Variants in CERKL observed in about 807,000 individuals in gnomAD.
CERKL encodes ceramide kinase-like protein.
In CERKL, 61 loss-of-function variants were observed where a neutral mutation model predicts 63.4. The observed-to-expected ratio is 0.96, with a 90% confidence interval of 0.78 to 1.19. The LOEUF is 1.19. CERKL is among the 50% of genes most tolerant of loss of function. The pLI is 0.00. For synonymous variants in CERKL, 250 were observed against 230.5 expected, an observed-to-expected ratio of 1.08 and a Z score of -0.77; for missense variants, 675 against 655.5, an observed-to-expected ratio of 1.03 and a Z score of -0.33.
chr2:181,563,769 T>C (rs937949773), intron 4 of CERKL, among the ~76,000 whole-genome samples: 1 of 151,940 alleles, frequency 6.6e-6, no homozygotes, highest in East Asian at 1.9e-4. Context: ...GAAGAAACTA[T>C]GTTTCTATTA....
chr2:181,568,611 A>T (rs1437969774), intron 3 of CERKL, among the ~76,000 whole-genome samples: 1 of 152,038 alleles, frequency 6.6e-6, no homozygotes, highest in African/African-American at 2.4e-5. Flanking sequence ...ACGCTTCAAC[A>T]TCTAAAAATT....
At chr2:181,607,643 T>C (rs192308868) in intron 1 of CERKL, among the ~76,000 whole-genome samples, 86 of 152,354 alleles carry the variant, frequency 5.6e-4, no homozygotes, top group African/African-American at 2.0e-3. Context: ...ACCAGTCATT[T>C]GCACCTGTTG....
chr2:181,547,702 A>G lies in CERKL; in HGVS notation c.1184T>C (p.Ile395Thr). Residue 395 changes from isoleucine (I) to threonine (T), a missense_variant, in exon 10 of 13, where the codon ATC becomes ACC. Physicochemically the swap from Ile to Thr is moderately conservative, Grantham distance 89. Transcript: ENST00000410087. ...GCTGACATTCAAGAACTGACCCTGGATCATTTGCCATTGATCATTACAGTC... is the reference window on the plus strand; with the variant it reads ...GCTGACATTCAAGAACTGACCCTGGGTCATTTGCCATTGATCATTACAGTC... ...KSDCNDQWQM[I>T]QGQFLNVSIM... 6.2e-7 allele frequency: 1 copy of G among 1,614,078 alleles called. No individual in the cohort carries two copies. The highest frequency in any genetic ancestry group is 8.5e-7 in the Non-Finnish European group (1 of 1,179,952).
At chr2:181,544,123 A>C (rs1687626952) in intron 11 of CERKL, among the ~76,000 whole-genome samples, 1 of 152,228 alleles carries the variant, frequency 6.6e-6, no homozygotes, top group African/African-American at 2.4e-5. Flanking sequence ...AGGTCAAAAC[A>C]GCTGCCAAAA....
chr2:181,551,505 C>T lies in CERKL; in HGVS notation c.821-1797G>A, dbSNP rs140849112. Among the ~76,000 whole-genome samples the T allele has an allele frequency of 9.9e-3, 1,499 of 151,672 alleles. 25 individuals carry two copies. The highest frequency in any genetic ancestry group is 0.033 in the African/African-American group (1,385 of 41,412). ...TCCATCAAAAAGTGGGCAAAGGATA[C>T]GAACAGACACTTCTCAAAAGAAGAC... On this transcript the variant is annotated intron_variant, in intron 5 of 12. Transcript: ENST00000410087.
intron 1 of CERKL, among the ~76,000 whole-genome samples, chr2:181,654,390 T>C (rs1371944565): frequency 1.2e-4 from 18 of 152,190 alleles, no homozygotes; most frequent in Admixed American, 1.2e-3. Context: ...CTTCATAAAA[T>C]ACATTAATGT....
intron 3 of CERKL, among the ~76,000 whole-genome samples, chr2:181,569,800 T>C (rs1688824022): frequency 6.6e-6 from 1 of 152,176 alleles, no homozygotes; most frequent in South Asian, 2.1e-4. Context: ...ATGACTCCTA[T>C]ACAATAGATG....
At chr2:181,612,547 T>G (rs1175468567) in intron 1 of CERKL, among the ~76,000 whole-genome samples, 1 of 152,020 alleles carries the variant, frequency 6.6e-6, no homozygotes, top group Admixed American at 6.6e-5. Flanking sequence ...AACTTTAAGG[T>G]TTTTAGATTT....
intron 1 of CERKL, among the ~76,000 whole-genome samples, chr2:181,610,649 G>A (rs907313323): frequency 6.6e-6 from 1 of 152,054 alleles, no homozygotes; most frequent in African/African-American, 2.4e-5. Flanking sequence ...GTAATCTGAG[G>A]GATCTGATCC....
chr2:181,596,367 G>A (rs145874952), intron 2 of CERKL, among the ~76,000 whole-genome samples: 69 of 152,264 alleles, frequency 4.5e-4, no homozygotes, highest in Admixed American at 1.2e-3. Flanking sequence ...ACCAGGGCCC[G>A]TGAGAAGCCC....
chr2:181,611,219 T>A (rs991513898), intron 1 of CERKL, among the ~76,000 whole-genome samples: 3 of 151,794 alleles, frequency 2.0e-5, no homozygotes, highest in Non-Finnish European at 4.4e-5. Context: ...TGAAACTCCA[T>A]CTCAAAAAAA....
At chr2:181,542,081 T>C (rs953734757) in intron 11 of CERKL, among the ~76,000 whole-genome samples, 7 of 152,046 alleles carry the variant, frequency 4.6e-5, no homozygotes, top group African/African-American at 1.7e-4. Flanking sequence ...TGCAAAGAAA[T>C]CCTGGGGGAA....
At chr2:181,627,667 T>C (rs1686772641) in intron 1 of CERKL, among the ~76,000 whole-genome samples, 1 of 152,182 alleles carries the variant, frequency 6.6e-6, no homozygotes, top group Non-Finnish European at 1.5e-5. Flanking sequence ...AATCATCTGG[T>C]TTCATCATCT....
At chr2:181,626,236 T>C (rs1441793359) in intron 1 of CERKL, among the ~76,000 whole-genome samples, 1 of 152,046 alleles carries the variant, frequency 6.6e-6, no homozygotes, top group Non-Finnish European at 1.5e-5. Context: ...TTGATGGATC[T>C]CTGAATGTTC....
At chr2:181,541,320 G>C (rs954321155) in intron 11 of CERKL, among the ~76,000 whole-genome samples, 10 of 152,192 alleles carry the variant, frequency 6.6e-5, no homozygotes, top group African/African-American at 2.4e-4. Context: ...AACCAAACCT[G>C]CTGACATTGT....
At chr2:181,641,409 G>C (rs116375847) in intron 1 of CERKL, among the ~76,000 whole-genome samples, 1 of 144,804 alleles carries the variant, frequency 6.9e-6, no homozygotes, top group African/African-American at 2.5e-5. Flanking sequence ...GGCTGGCCTC[G>C]AACTCCTGGG....
At chr2:181,611,068 C>A (rs1182579301) in intron 1 of CERKL, among the ~76,000 whole-genome samples, 1 of 151,524 alleles carries the variant, frequency 6.6e-6, no homozygotes, top group Non-Finnish European at 1.5e-5. Context: ...ACTAAAAATA[C>A]AAAAATGAGC....
chr2:181,618,539 T>C (rs1259271944), intron 1 of CERKL, among the ~76,000 whole-genome samples: 1 of 151,974 alleles, frequency 6.6e-6, no homozygotes, highest in African/African-American at 2.4e-5. Context: ...TGCCTCAGCC[T>C]CCTGAGTAGC....
intron 2 of CERKL, among the ~76,000 whole-genome samples, chr2:181,577,621 G>A (rs1684307593): frequency 6.6e-6 from 1 of 152,166 alleles, no homozygotes; most frequent in Non-Finnish European, 1.5e-5. Context: ...ATTCCAGAGG[G>A]TAGAGTAAAA....
Sources: allele counts gnomAD v4.1 joint callset (sites outside exome capture counted in the v4.1 genomes callset), GRCh38; gene constraint gnomAD v4.1.1; transcripts MANE v1.5; gene names NCBI Gene and HGNC (gene_info 2026-07-23, HGNC 2026-07-21).